The following CNTN5 variants were observed in gnomAD, a reference collection of about 807,000 sequenced individuals.
CNTN5 encodes the protein contactin 5.
Under a neutral mutation model 129.1 loss-of-function variants are expected in CNTN5, and 77 were observed. That is an observed-to-expected ratio of 0.60 (90% CI 0.50 to 0.72). The LOEUF is 0.72. CNTN5 is among the 30% of genes least tolerant of loss of function. The probability of loss-of-function intolerance (pLI) is 0.00; values close to 1 mark genes in which losing one functional copy is unlikely to be tolerated. For missense variants in CNTN5, 1,478 were observed against 1,328.8 expected (o/e 1.11, Z -1.75); for synonymous variants, 509 against 465.6 (o/e 1.09, Z -1.20).
chr11:99,179,671 G>A (rs1361488178), intron 1 of CNTN5, among the ~76,000 whole-genome samples: 2 of 152,194 alleles, frequency 1.3e-5, no homozygotes, highest in African/African-American at 4.8e-5. Context: ...AATTTAGACA[G>A]TCACATCACA....
intron 3 of CNTN5, among the ~76,000 whole-genome samples, chr11:99,640,843 A>G (rs1033377747): frequency 2.0e-5 from 3 of 152,192 alleles, no homozygotes; most frequent in African/African-American, 7.2e-5. Flanking sequence ...TTGTTAAGCA[A>G]TGCATGAATG....
intron 7 of CNTN5, among the ~76,000 whole-genome samples, chr11:99,947,623 A>G (rs1950581398): frequency 6.6e-6 from 1 of 152,176 alleles, no homozygotes; most frequent in African/African-American, 2.4e-5. Context: ...TTGCCTGAAG[A>G]TTCTCTGCTG....
intron 2 of CNTN5, among the ~76,000 whole-genome samples, chr11:99,466,719 T>G (rs2656195): frequency 0.5 from 75,260 of 151,866 alleles, 19,351 homozygotes; most frequent in Middle Eastern, 0.66. Context: ...TTAGGAGACT[T>G]AAGCTCCCCC....
chr11:100,036,119 T>C (rs181876415), intron 9 of CNTN5, among the ~76,000 whole-genome samples: 1 of 152,344 alleles, frequency 6.6e-6, no homozygotes, highest in African/African-American at 2.4e-5. Flanking sequence ...TTTAAGTCTT[T>C]AATCCATCTT....
At chr11:99,995,014 G>A (rs1317468367) in intron 8 of CNTN5, among the ~76,000 whole-genome samples, 1 of 152,138 alleles carries the variant, frequency 6.6e-6, no homozygotes, top group African/African-American at 2.4e-5. Context: ...AAAGAGAGAA[G>A]AAGTCGTTAA....
At chr11:99,927,045 A>G (rs994319843) in intron 7 of CNTN5, among the ~76,000 whole-genome samples, 2 of 152,188 alleles carry the variant, frequency 1.3e-5, no homozygotes, top group Admixed American at 6.5e-5. Flanking sequence ...AGTCATTATT[A>G]TGTGATTATG....
At position 99,298,431 on chromosome 11, in the gene CNTN5, T is replaced by C. The variant is rs769678342; in HGVS notation, c.-209-26915T>C. ...TTCTGCAGTCTGTGAGTGGTTGAAGTATGGCCACTGGGATTGGTCGACACT... is the reference window on the plus strand; with the variant it reads ...TTCTGCAGTCTGTGAGTGGTTGAAGCATGGCCACTGGGATTGGTCGACACT... On this transcript the variant is annotated intron_variant, in intron 1 of 24. Transcript: ENST00000524871. Among the ~76,000 whole-genome samples, 4 of 152,190 alleles carry C rather than the reference T, an allele frequency of 2.6e-5. No individual in the cohort carries two copies. The South Asian group carries it at 6.2e-4, about 24-fold the overall frequency.
chr11:100,048,438 A>G (rs1238956441), intron 9 of CNTN5, among the ~76,000 whole-genome samples: 1 of 152,128 alleles, frequency 6.6e-6, no homozygotes, highest in African/African-American at 2.4e-5. Context: ...ATAAATACAT[A>G]TATGTATAAA....
At chr11:100,135,653 G>T (rs563375325) in intron 13 of CNTN5, among the ~76,000 whole-genome samples, 50 of 152,116 alleles carry the variant, frequency 3.3e-4, no homozygotes, top group Admixed American at 1.3e-3. Context: ...AAACTAATAT[G>T]ACGAGTTTTC....
intron 13 of CNTN5, among the ~76,000 whole-genome samples, chr11:100,176,508 G>GA (rs1455312185): frequency 6.6e-6 from 1 of 151,962 alleles, no homozygotes; most frequent in Admixed American, 6.6e-5. Context: ...GTCTATTAAG[G>GA]AAAAATGTAA....
intron 3 of CNTN5, among the ~76,000 whole-genome samples, chr11:99,611,474 G>A (rs1030289196): frequency 6.6e-6 from 1 of 152,140 alleles, no homozygotes; most frequent in Admixed American, 6.6e-5. Context: ...TGGCGGCTTA[G>A]AAAAGTTAAA....
At chr11:99,927,429 A>C (rs753451977) in intron 7 of CNTN5, among the ~76,000 whole-genome samples, 1 of 152,278 alleles carries the variant, frequency 6.6e-6, no homozygotes, top group South Asian at 2.1e-4. Context: ...TCCCGCTGCT[A>C]TGAAGAAATA....
At chr11:100,086,008 G>A (rs938030275) in intron 13 of CNTN5, among the ~76,000 whole-genome samples, 1 of 151,852 alleles carries the variant, frequency 6.6e-6, no homozygotes, top group Non-Finnish European at 1.5e-5. Flanking sequence ...GGACACTTTT[G>A]GGAAAGTAAA....
At chr11:99,508,189 C>T (rs1476281447) in intron 2 of CNTN5, among the ~76,000 whole-genome samples, 1 of 152,114 alleles carries the variant, frequency 6.6e-6, no homozygotes, top group East Asian at 1.9e-4. Context: ...AGTGATCTCG[C>T]TGAGCCACTC....
intron 3 of CNTN5, among the ~76,000 whole-genome samples, chr11:99,688,370 C>CA (rs1565428297): frequency 6.6e-6 from 1 of 151,736 alleles, no homozygotes; most frequent in African/African-American, 2.4e-5. Flanking sequence ...GACAAACAAA[C>CA]AAAAAAACAC....
At chr11:99,437,489 T>C (rs996513830) in intron 2 of CNTN5, among the ~76,000 whole-genome samples, 13 of 152,206 alleles carry the variant, frequency 8.5e-5, no homozygotes, top group African/African-American at 3.1e-4. Context: ...TTTCCCGTTG[T>C]ATACATCTTT....
chr11:99,214,977 A>G (rs1349574714), intron 1 of CNTN5, among the ~76,000 whole-genome samples: 3 of 152,066 alleles, frequency 2.0e-5, no homozygotes, highest in Admixed American at 6.6e-5. Context: ...ATTTTCTTGT[A>G]TCATTCTTTT....
Position 100,195,910 on chromosome 11 carries a change from G to A in CNTN5, c.1884+2247G>A, listed in dbSNP as rs114209561. ...ATTATGTCTGGAAAATAATGCTTTAGGAGAAAACATATAAAAGTGTTATAA... is the reference window on the plus strand; with the variant it reads ...ATTATGTCTGGAAAATAATGCTTTAAGAGAAAACATATAAAAGTGTTATAA... On this transcript the variant is annotated intron_variant, in intron 15 of 24. Transcript: ENST00000524871. 8.6e-3 allele frequency among the ~76,000 whole-genome samples: 1,301 copies of A among 151,262 alleles called. 15 individuals carry two copies. The highest frequency in any genetic ancestry group is 0.03 in the African/African-American group (1,211 of 40,826).
chr11:99,512,474 G>C (rs1446871215), intron 2 of CNTN5, among the ~76,000 whole-genome samples: 1 of 152,092 alleles, frequency 6.6e-6, no homozygotes, highest in Non-Finnish European at 1.5e-5. Context: ...GACTGTATAG[G>C]CATACCTTGC....
Sources: allele counts gnomAD v4.1 joint callset (sites outside exome capture counted in the v4.1 genomes callset), GRCh38; gene constraint gnomAD v4.1.1; transcripts MANE v1.5; gene names NCBI Gene and HGNC (gene_info 2026-07-23, HGNC 2026-07-21).